The following DAP variants were observed in gnomAD, a reference collection of about 807,000 sequenced individuals.
DAP encodes death-associated protein 1.
In DAP, 8 loss-of-function variants were observed where a neutral mutation model predicts 13.8. The observed-to-expected ratio is 0.58, with a 90% CI of 0.34 to 1.05. The LOEUF (loss-of-function observed/expected upper bound fraction) is 1.05. Among genes scored for constraint, DAP ranks in the 50% least tolerant of loss-of-function variants. The probability of loss-of-function intolerance (pLI) is 0.03; values close to 1 mark genes in which losing one functional copy is unlikely to be tolerated. For missense variants in DAP, 106 were observed against 133.2 expected (o/e 0.80, Z 1.01); for synonymous variants, 47 against 47.5 (o/e 0.99, Z 0.04).
chr5:10,757,421 C>CCCA, intron 1 of DAP, among the ~76,000 whole-genome samples: 1 of 152,252 alleles, frequency 6.6e-6, no homozygotes, highest in Non-Finnish European at 1.5e-5. Flanking sequence ...ATTACAGGCA[C>CCCA]CCACCAGCAC....
chr5:10,740,986 C>T (rs1226309486), intron 2 of DAP, among the ~76,000 whole-genome samples: 1 of 152,222 alleles, frequency 6.6e-6, no homozygotes, highest in Non-Finnish European at 1.5e-5. Context: ...AGCTGACTTA[C>T]ACTGGCATGT....
chr5:10,735,490 T>A (rs1354439894), intron 2 of DAP, among the ~76,000 whole-genome samples: 1 of 152,248 alleles, frequency 6.6e-6, no homozygotes, highest in Non-Finnish European at 1.5e-5. Context: ...TACTGCTGAT[T>A]TCATCTTTAT....
chr5:10,683,474 A>T (rs1042703114), intron 3 of DAP, 55 bp downstream of exon 3: 2 of 1,532,402 alleles, frequency 1.3e-6, no homozygotes, highest in Non-Finnish European at 1.8e-6. Context: ...CAACCAGGAG[A>T]CTCCATGCTG....
chr5:10,719,100 C>T (rs1739068669), intron 2 of DAP, among the ~76,000 whole-genome samples: 1 of 152,218 alleles, frequency 6.6e-6, no homozygotes, highest in Non-Finnish European at 1.5e-5. Flanking sequence ...CAGTGGTGTA[C>T]AGCCTGTCAA....
Position 10,752,953 on chromosome 5 carries a change from T to C in DAP, c.56-4682A>G, listed in dbSNP as rs573105610. 2.0e-3 allele frequency among the ~76,000 whole-genome samples: 306 copies of C among 152,308 alleles called. 4 individuals are homozygous for C. Among genetic ancestry groups the C allele is most frequent in the Non-Finnish European group, 5.9e-4 (40 of 68,018 alleles). On this transcript the variant is annotated intron_variant, in intron 1 of 3. Coordinates refer to ENST00000230895, the MANE Select transcript of DAP (RefSeq NM_004394.3). Reference sequence around the variant, plus strand: ...GAGGCCTCTGGAGTCCTCAAATCGTTGGTGCTTTTCCAGCTCTTCACCCTC... The same window carrying C: ...GAGGCCTCTGGAGTCCTCAAATCGTCGGTGCTTTTCCAGCTCTTCACCCTC...
intron 2 of DAP, among the ~76,000 whole-genome samples, chr5:10,714,951 C>CTT (rs1738945562): frequency 6.6e-6 from 1 of 152,160 alleles, no homozygotes; most frequent in Non-Finnish European, 1.5e-5. Flanking sequence ...CCTGCAGAAC[C>CTT]ATGAGCCAGT....
At chr5:10,740,268 G>A (rs1402320783) in intron 2 of DAP, among the ~76,000 whole-genome samples, 1 of 152,198 alleles carries the variant, frequency 6.6e-6, no homozygotes, top group Non-Finnish European at 1.5e-5. Context: ...GTCGGCGGCA[G>A]AGAGGAGAAA....
Position 10,681,119 on chromosome 5 carries a change from C to A in DAP, c.246G>T (p.Pro82=), listed in dbSNP as rs528341411. The change falls in exon 4 of 4, where the codon CCG becomes CCT. Residue 82 remains proline (P), a synonymous_variant. Coordinates refer to ENST00000230895, the MANE Select transcript of DAP (RefSeq NM_004394.3). ...AAGGATGCTTGTCCATGGAGGCATG[C>A]GGCTTCTGGTGAGCCACCTGCGCAG... ...PAAAQVAHQK[P]HASMDKHPSP... is the part of the protein sequence containing the mutation. 1.0e-5 allele frequency: 16 copies of A among 1,557,672 alleles called. No individual in the cohort carries two copies. The highest frequency in any genetic ancestry group is 1.2e-5 in the Non-Finnish European group (14 of 1,153,976).
chr5:10,704,653 A>G (rs1196560291), intron 2 of DAP, among the ~76,000 whole-genome samples: 1 of 152,192 alleles, frequency 6.6e-6, no homozygotes, highest in Non-Finnish European at 1.5e-5. Flanking sequence ...GAACAAATGT[A>G]ATCAGGGAAT....
chr5:10,755,013 A>T (rs914223256), intron 1 of DAP, among the ~76,000 whole-genome samples: 6 of 152,214 alleles, frequency 3.9e-5, no homozygotes, highest in African/African-American at 1.4e-4. Context: ...CTGTAAGCTG[A>T]GGAAGAAGAA....
chr5:10,760,911 C>G (rs1579828831), intron 1 of DAP, 103 bp downstream of exon 1: 4 of 757,108 alleles, frequency 5.3e-6, no homozygotes, highest in Non-Finnish European at 7.0e-6. Context: ...GAACCCGTCT[C>G]AGCGCTCGCC....
At chr5:10,722,955 G>A (rs900551540) in intron 2 of DAP, among the ~76,000 whole-genome samples, 2 of 152,120 alleles carry the variant, frequency 1.3e-5, no homozygotes, top group African/African-American at 4.8e-5. Context: ...TCGATGTACC[G>A]AAAAATCCTC....
intron 1 of DAP, among the ~76,000 whole-genome samples, chr5:10,750,246 A>C (rs563836102): frequency 2.0e-5 from 3 of 152,066 alleles, no homozygotes; most frequent in Non-Finnish European, 4.4e-5. Context: ...TATGCTGCTG[A>C]TGAACGGGAA....
intron 2 of DAP, among the ~76,000 whole-genome samples, chr5:10,741,369 G>A (rs555373238): frequency 6.6e-5 from 10 of 152,228 alleles, no homozygotes; most frequent in South Asian, 2.1e-4. Flanking sequence ...AAGCAGGTGC[G>A]GTGGGGGGCT....
chr5:10,734,436 C>T (rs1012743812), intron 2 of DAP, among the ~76,000 whole-genome samples: 2 of 152,148 alleles, frequency 1.3e-5, no homozygotes, highest in African/African-American at 4.8e-5. Flanking sequence ...CTTTCTTATC[C>T]CCAAATCTAA....
chr5:10,681,614 T>A (rs1738005027), intron 3 of DAP, among the ~76,000 whole-genome samples: 1 of 144,010 alleles, frequency 6.9e-6, no homozygotes, highest in African/African-American at 2.6e-5. Context: ...CCAGTGTCCC[T>A]GCAGGAAGCA....
At chr5:10,747,646 T>C (rs1739939152) in intron 2 of DAP, among the ~76,000 whole-genome samples, 1 of 152,178 alleles carries the variant, frequency 6.6e-6, no homozygotes, top group Admixed American at 6.5e-5. Context: ...GCCCAGAAAT[T>C]GTTAGTATTT....
chr5:10,703,352 T>G (rs1034545881), intron 2 of DAP, among the ~76,000 whole-genome samples: 1 of 152,176 alleles, frequency 6.6e-6, no homozygotes, highest in Non-Finnish European at 1.5e-5. Context: ...GGCTGAGAGC[T>G]GGGCCTGGCT....
chr5:10,741,425 G>C (rs1259104096), intron 2 of DAP, among the ~76,000 whole-genome samples: 4 of 152,096 alleles, frequency 2.6e-5, no homozygotes, highest in Non-Finnish European at 5.9e-5. Flanking sequence ...GCTACAAATC[G>C]GGCTTTTAAA....
Sources: allele counts gnomAD v4.1 joint callset (sites outside exome capture counted in the v4.1 genomes callset), GRCh38; gene constraint gnomAD v4.1.1; transcripts MANE v1.5; gene names NCBI Gene and HGNC (gene_info 2026-07-23, HGNC 2026-07-21).